SYT7: variants seen among roughly 807,000 people sequenced by gnomAD.
The protein encoded by SYT7 is synaptotagmin-7.
Under a neutral mutation model 75.1 loss-of-function variants are expected in SYT7, and 29 were observed. That is an observed-to-expected ratio of 0.39 (90% CI 0.29 to 0.53). The LOEUF is 0.53. Among genes scored for constraint, SYT7 ranks in the 20% least tolerant of loss-of-function variants. The pLI is 0.77. For missense variants in SYT7, 693 were observed against 953.2 expected (o/e 0.73, Z 3.59); for synonymous variants, 376 against 401.7 (o/e 0.94, Z 0.76).
rs1420522010 is a variant in SYT7, at chr11:61,553,753, C to T, written c.136-2290G>A. On this transcript the variant is annotated intron_variant, in intron 2 of 12. Transcript: ENST00000539008. The surrounding 1 kb of genome is among the most constrained non-coding windows in gnomAD (Gnocchi z 5.2). ...TCAGGGAGGGGTGGCCAGGCTGATC[C>T]GGAAAAAGCCAGCTGGAGATTAAGG... 2.6e-5 allele frequency among the ~76,000 whole-genome samples: 4 copies of T among 152,128 alleles called. No homozygotes were observed. Among genetic ancestry groups the T allele is most frequent in the Admixed American group, 6.5e-5 (1 of 15,280 alleles).
rs572899346 is a variant in SYT7, at chr11:61,569,525, G to T, written c.31+11265C>A. Among the ~76,000 whole-genome samples, 197 of 152,268 alleles carry T rather than the reference G, an allele frequency of 1.3e-3. 2 individuals carry two copies. Among genetic ancestry groups the T allele is most frequent in the African/African-American group, 4.7e-3 (194 of 41,554 alleles). On this transcript the variant is annotated intron_variant, in intron 1 of 12. Transcript: ENST00000539008. Reference sequence around the variant, plus strand: ...CTGGGGCAGCAGAGGGAGCCAGGAGGAGCCAGAAAAACAGGGACACATCGC... The same window carrying T: ...CTGGGGCAGCAGAGGGAGCCAGGAGTAGCCAGAAAAACAGGGACACATCGC...
intron 1 of SYT7, among the ~76,000 whole-genome samples, chr11:61,575,499 G>A (rs563408936): frequency 2.6e-5 from 4 of 152,258 alleles, no homozygotes; most frequent in Admixed American, 6.5e-5. Context: ...GCCCCACACC[G>A]TCATGGAAAT....
intron 2 of SYT7, among the ~76,000 whole-genome samples, chr11:61,554,513 A>G (rs940389418): frequency 2.6e-5 from 4 of 152,130 alleles, no homozygotes; most frequent in African/African-American, 9.7e-5. Context: ...CATTCAGCAC[A>G]GACTCCACAT....
intron 8 of SYT7, among the ~76,000 whole-genome samples, 194 bp downstream of exon 8, chr11:61,532,795 C>A (rs1260381990): frequency 6.6e-6 from 1 of 152,194 alleles, no homozygotes; most frequent in Non-Finnish European, 1.5e-5. Flanking sequence ...GGGAAGCAAA[C>A]CCAGGCCTTG....
intron 9 of SYT7, chr11:61,525,728 T>G (rs996117480): frequency 4.6e-5 from 7 of 152,266 alleles, no homozygotes; most frequent in African/African-American, 1.7e-4. Flanking sequence ...ACACCGCTTC[T>G]GGCACATAGT....
At chr11:61,536,347 G>A (rs1352596479) in intron 7 of SYT7, among the ~76,000 whole-genome samples, 1 of 152,194 alleles carries the variant, frequency 6.6e-6, no homozygotes, top group Non-Finnish European at 1.5e-5. Flanking sequence ...ATTAACACAT[G>A]GGTGATGTGA....
intron 9 of SYT7, among the ~76,000 whole-genome samples, chr11:61,525,302 T>C (rs949605275): frequency 6.6e-6 from 1 of 152,096 alleles, no homozygotes; most frequent in Non-Finnish European, 1.5e-5. Context: ...CCAGTGCACT[T>C]AGAATAAAAG....
upstream of SYT7, among the ~76,000 whole-genome samples, chr11:61,585,032 T>A (rs1001069247): frequency 1.3e-5 from 2 of 152,210 alleles, no homozygotes; most frequent in African/African-American, 4.8e-5. Context: ...CTGTTTCCGA[T>A]CTGGCACCAT....
At chr11:61,537,998 G>T in intron 7 of SYT7, 146 bp downstream of exon 7, 1 of 1,267,326 alleles carries the variant, frequency 7.9e-7, no homozygotes, top group Non-Finnish European at 1.1e-6. Flanking sequence ...TGAGGGCACC[G>T]GCTGGGGAGG....
In SYT7 at chr11:61,533,079, G is replaced by A; in HGVS notation, c.1110C>T (p.Gly370=). The A allele has an allele frequency of 6.2e-7, 1 of 1,611,948 alleles. No individual in the cohort carries two copies. The change falls in exon 8 of 13, where the codon GGC becomes GGT. Residue 370 remains glycine, a synonymous_variant. Coordinates refer to ENST00000539008, the MANE Select transcript of SYT7 (RefSeq NM_001365809.2). Reference sequence around the variant, plus strand: ...GGTCGGACTCATCGTGGGGTGTCTGGCCTGGCACGGGGGCTGTGTTCACCG... The same window carrying A: ...GGTCGGACTCATCGTGGGGTGTCTGACCTGGCACGGGGGCTGTGTTCACCG... The part of the protein sequence containing the change: ...GKAVNTAPVP[G]QTPHDESDRR...
Position 61,561,831 on chromosome 11 carries a change from C to T in SYT7, c.32-5624G>A, listed in dbSNP as rs541812627. Among the ~76,000 whole-genome samples, 9 of 152,188 alleles carry T rather than the reference C, an allele frequency of 5.9e-5. No individual in the cohort carries two copies. In the South Asian group the frequency reaches 8.3e-4, roughly 14 times the overall value. ...TTGCTCACTCCAGTATACTCTATGACGAGCTCGGCGTCTGACACACGGGGG... is the reference window on the plus strand; with the variant it reads ...TTGCTCACTCCAGTATACTCTATGATGAGCTCGGCGTCTGACACACGGGGG... On this transcript the variant is annotated intron_variant, in intron 1 of 12. Coordinates refer to ENST00000539008, the MANE Select transcript of SYT7 (RefSeq NM_001365809.2).
Position 61,551,099 on chromosome 11 carries a change from G to T in SYT7, c.215+285C>A, listed in dbSNP as rs60872890. Among the ~76,000 whole-genome samples the T allele has an allele frequency of 0.023, 3,436 of 152,234 alleles. 126 individuals carry two copies. The highest frequency in any genetic ancestry group is 0.077 in the African/African-American group (3,201 of 41,506). The stretch of plus-strand genomic sequence containing the variant: ...AGTGTGTGTGATAGGAGGGTGGGAT[G>T]AGAAAGCGGCAACCAGGGTTGAGGT... On this transcript the variant is annotated intron_variant, in intron 3 of 12. Transcript: ENST00000539008. The surrounding 1 kb of genome is among the most constrained non-coding windows in gnomAD (Gnocchi z 5.3).
chr11:61,523,862 C>T lies in SYT7; in HGVS notation c.1721G>A (p.Arg574Gln), dbSNP rs200881282. 3.5e-5 allele frequency: 57 copies of T among 1,613,990 alleles called. 2 individuals carry two copies. In the Admixed American group the frequency reaches 5.7e-4, roughly 16 times the overall value. ...NSIIVNIIKA[R>Q]NLKAMDIGGT... Reference sequence around the variant, plus strand: ...CCCGATGTCCATGGCTTTGAGGTTCCGGGCTTTGATGATGTTCACGATGAT... The same window carrying T: ...CCCGATGTCCATGGCTTTGAGGTTCTGGGCTTTGATGATGTTCACGATGAT... Residue 574 changes from arginine to glutamine, a missense_variant, in exon 11 of 13, where the codon CGG becomes CAG. Around this residue, in one of 2 missense-constraint regions of SYT7, gnomAD observed 206 missense variants for 360.0 expected, o/e 0.57. Coordinates refer to ENST00000539008, the MANE Select transcript of SYT7 (RefSeq NM_001365809.2). This position sits in a 1 kb window ranked among gnomAD's most constrained non-coding sequence, Gnocchi z 5.0.
In SYT7 at chr11:61,542,462, CGGCTGTTGCA is replaced by C; in HGVS notation, c.680_689del (p.Leu227ArgfsTer2). 1 of 1,532,960 alleles carries C rather than the reference CGGCTGTTGCA, an allele frequency of 6.5e-7. No homozygotes were observed. Among genetic ancestry groups the C allele is most frequent in the Non-Finnish European group, 8.7e-7 (1 of 1,146,102 alleles). The allele number at this position is 1,532,960 out of a possible 1,614,324, so 95.0% of individuals were successfully genotyped here. The stretch of plus-strand genomic sequence containing the variant: ...GCCGGCCCCGCTGGTGCTGGCTCAG[CGGCTGTTGCA>C]GGCTCTGCTGCCGCATCAGGGTGCG... On this transcript the variant is annotated frameshift_variant, in exon 6 of 13. Coordinates refer to ENST00000539008, the MANE Select transcript of SYT7 (RefSeq NM_001365809.2). LOFTEE classifies it high-confidence loss of function. This position sits in a 1 kb window ranked among gnomAD's most constrained non-coding sequence, Gnocchi z 7.8.
At chr11:61,573,275 T>C (rs981955256) in intron 1 of SYT7, among the ~76,000 whole-genome samples, 11 of 152,224 alleles carry the variant, frequency 7.2e-5, no homozygotes, top group Admixed American at 7.2e-4. Context: ...CTTGGCTCTA[T>C]ATCCCTCACT....
At chr11:61,520,244 A>C (rs148146444) in intron 12 of SYT7, among the ~76,000 whole-genome samples, 2 of 151,146 alleles carry the variant, frequency 1.3e-5, no homozygotes, top group African/African-American at 4.9e-5. Flanking sequence ...GCCTCAGTGG[A>C]GGAGTACAGT....
At chr11:61,560,907 C>T (rs957017149) in intron 1 of SYT7, among the ~76,000 whole-genome samples, 28 of 152,090 alleles carry the variant, frequency 1.8e-4, no homozygotes, top group African/African-American at 5.6e-4. Flanking sequence ...CTGTACCTCT[C>T]GCAGAGCCGA....
intron 6 of SYT7, chr11:61,540,789 T>C (rs2063018167): frequency 3.0e-6 from 3 of 985,512 alleles, no homozygotes; most frequent in Non-Finnish European, 3.6e-6. Context: ...CTCTCAGTCC[T>C]GTTCAAGCCA....
At chr11:61,584,161 G>A (rs569334916), upstream of SYT7, among the ~76,000 whole-genome samples, 10 of 152,190 alleles carry the variant, frequency 6.6e-5, no homozygotes, top group African/African-American at 2.4e-4. Context: ...AGGCCGAGGC[G>A]GGCAGTTCAC....
Sources: gnomAD v4.1 joint callset for allele counts (sites outside exome capture counted in the v4.1 genomes callset) on GRCh38, gnomAD v4.1.1 for gene constraint, gnomAD v4.1.1 regional missense constraint, Gnocchi (gnomAD v3.1) non-coding constraint, MANE v1.5 for transcripts, NCBI Gene and HGNC (gene_info 2026-07-23, HGNC 2026-07-21) for gene names.